SMARCAD1: variants seen among roughly 807,000 people sequenced by gnomAD.
The protein encoded by SMARCAD1 is SWI/SNF-related matrix-associated actin-dependent regulator of chromatin subfamily A containing DEAD/H box 1.
A neutral mutation model predicts 127.1 loss-of-function variants in SMARCAD1; 25 were observed. The ratio of observed to expected loss-of-function variants is 0.20; its 90% CI spans 0.14 to 0.27. The LOEUF (loss-of-function observed/expected upper bound fraction) is 0.27, where lower values mean the gene tolerates loss of function less well. Among genes scored for constraint, SMARCAD1 ranks in the 10% least tolerant of loss-of-function variants. The pLI is 1.00. For missense variants in SMARCAD1, 807 were observed against 1,206.0 expected (o/e 0.67, Z 4.90); for synonymous variants, 400 against 396.9 (o/e 1.01, Z -0.09).
At chr4:94,275,110 A>AT in intron 14 of SMARCAD1, 145 bp downstream of exon 14, 2 of 694,316 alleles carry the variant, frequency 2.9e-6, no homozygotes, top group Admixed American at 2.3e-5. Context: ...GGATTCAGGC[A>AT]TTTTTTAGTT....
At position 94,290,840 on chromosome 4, in the gene SMARCAD1, A is replaced by ATCCT. The variant is rs1755591173; in HGVS notation, c.*1306_*1307insTCCT. 1 of 439,142 alleles carries ATCCT rather than the reference A, an allele frequency of 2.3e-6. No homozygotes were observed. Among genetic ancestry groups the ATCCT allele is most frequent in the Non-Finnish European group, 4.5e-6 (1 of 221,554 alleles). The allele number at this position is 439,142 out of a possible 1,614,324, so 27.2% of individuals were successfully genotyped here. A position where few individuals can be genotyped will look rare whatever the true frequency, so the allele number is the denominator to read the frequency against. Reference sequence around the variant, plus strand: ...AATCAAAGATTTGTTAATTTTTGGAAATCATGCTTTTCAAAGCATCCTAAC... The same window carrying ATCCT: ...AATCAAAGATTTGTTAATTTTTGGAATCCTATCATGCTTTTCAAAGCATCCTAAC... On this transcript the variant is annotated 3_prime_UTR_variant, in exon 24 of 24. Transcript: ENST00000354268.
chr4:94,233,961 C>G lies in SMARCAD1; in HGVS notation c.376C>G (p.Pro126Ala). ...CTCTAAAAATATTTTTAGTTCTGAG[C>G]CATCTGAAGATGAAGAGTCCCAAGG... Reference protein sequence around the residue: ...NKDTVIIVSEPSEDEESQGLP... With the variant: ...NKDTVIIVSEASEDEESQGLP... The change falls in exon 4 of 24, where the codon CCA becomes GCA. Residue 126 changes from proline to alanine, a missense_variant. Coordinates refer to ENST00000354268, the MANE Select transcript of SMARCAD1 (RefSeq NM_020159.5). 1 of 1,613,490 alleles carries G rather than the reference C, an allele frequency of 6.2e-7. No individual in the cohort carries two copies.
chr4:94,214,185 AAG>A (rs1233215878), intron 2 of SMARCAD1, among the ~76,000 whole-genome samples: 9 of 152,136 alleles, frequency 5.9e-5, no homozygotes, highest in Non-Finnish European at 1.0e-4. Flanking sequence ...CAGGAAAGGA[AAG>A]AGAGAAATAG....
chr4:94,243,274 G>T (rs1028736623), intron 6 of SMARCAD1, among the ~76,000 whole-genome samples: 1 of 152,190 alleles, frequency 6.6e-6, no homozygotes, highest in Admixed American at 6.5e-5. Flanking sequence ...AATGCCTCAG[G>T]TAATAGTTGA....
intron 3 of SMARCAD1, among the ~76,000 whole-genome samples, chr4:94,226,858 C>A (rs1019481525): frequency 2.7e-5 from 4 of 150,856 alleles, no homozygotes; most frequent in African/African-American, 9.8e-5. Context: ...GTCAGGGAAT[C>A]GTTTCTTTTT....
chr4:94,268,363 TTTTG>T (rs1260919840), intron 10 of SMARCAD1, among the ~76,000 whole-genome samples: 1 of 152,100 alleles, frequency 6.6e-6, no homozygotes, highest in African/African-American at 2.4e-5. Context: ...TTTCAGTAAT[TTTTG>T]TTTATTAAGA....
chr4:94,250,250 C>A (rs1749086542), intron 7 of SMARCAD1, among the ~76,000 whole-genome samples: 1 of 151,902 alleles, frequency 6.6e-6, no homozygotes, highest in South Asian at 2.1e-4. Context: ...TGTTTAATCC[C>A]ATGATCATAT....
intron 6 of SMARCAD1, among the ~76,000 whole-genome samples, chr4:94,248,248 G>A (rs887934630): frequency 4.6e-5 from 7 of 152,030 alleles, no homozygotes; most frequent in Non-Finnish European, 8.8e-5. Context: ...TTCATGTTGT[G>A]GTGTGTATCA....
chr4:94,288,142 T>G (rs1755216856), intron 23 of SMARCAD1, among the ~76,000 whole-genome samples: 2 of 152,218 alleles, frequency 1.3e-5, no homozygotes, highest in Non-Finnish European at 2.9e-5. Context: ...CAATTTATTT[T>G]CAATATCACA....
At chr4:94,270,133 T>C (rs1752336504) in intron 10 of SMARCAD1, among the ~76,000 whole-genome samples, 1 of 151,516 alleles carries the variant, frequency 6.6e-6, no homozygotes, top group Non-Finnish European at 1.5e-5. Flanking sequence ...TGAACATCAG[T>C]GAGTAGAAAG....
At chr4:94,223,573 CT>C (rs1025018303) in intron 2 of SMARCAD1, among the ~76,000 whole-genome samples, 153 of 142,726 alleles carry the variant, frequency 1.1e-3, no homozygotes, top group African/African-American at 1.6e-3. Context: ...TTTCCTTTTT[CT>C]TTTTTTTTTT....
intron 21 of SMARCAD1, among the ~76,000 whole-genome samples, chr4:94,282,701 G>GT (rs879794435): frequency 0.012 from 1,733 of 143,000 alleles, 24 homozygotes; most frequent in African/African-American, 0.037. Context: ...TAAAAGTAAT[G>GT]TTTTTTTTTT....
At chr4:94,262,889 T>TAAAAAAAAAAAAAAAA (rs368026206) in intron 9 of SMARCAD1, among the ~76,000 whole-genome samples, 1 of 87,428 alleles carries the variant, frequency 1.1e-5, no homozygotes. Context: ...TAATTTCTGT[T>TAAAAAAAAAAAAAAAA]AAAAAAAAAA....
At chr4:94,280,468 T>C (rs924113908) in intron 19 of SMARCAD1, 124 bp from the exon 20 acceptor site, 1 of 832,636 alleles carries the variant, frequency 1.2e-6, no homozygotes, top group Non-Finnish European at 1.9e-6. Context: ...TTGATAAGTC[T>C]GTTACACTAA....
At chr4:94,289,377 G>T in intron 23 of SMARCAD1, 96 bp from the exon 24 acceptor site, 1 of 1,109,966 alleles carries the variant, frequency 9.0e-7, no homozygotes. Context: ...CTTGAAAGAT[G>T]AGTAAGAATT....
At chr4:94,249,507 T>A in intron 6 of SMARCAD1, 147 bp from the exon 7 acceptor site, 1 of 620,510 alleles carries the variant, frequency 1.6e-6, no homozygotes, top group South Asian at 2.0e-5. Context: ...AATATGTCAA[T>A]GTTCACAGAA....
intron 5 of SMARCAD1, among the ~76,000 whole-genome samples, chr4:94,240,321 C>T (rs774544673): frequency 3.2e-4 from 49 of 152,316 alleles, no homozygotes; most frequent in Non-Finnish European, 5.1e-4. Context: ...ATGCAGATTT[C>T]CTGTTACTGC....
Position 94,240,922 on chromosome 4 carries a change from A to G in SMARCAD1, c.621A>G (p.Lys207=). The G allele has an allele frequency of 6.2e-7, 1 of 1,613,514 alleles. No homozygotes were observed. Among genetic ancestry groups the G allele is most frequent in the Middle Eastern group, 1.7e-4 (1 of 6,022 alleles). The change falls in exon 6 of 24, where the codon AAA becomes AAG. Residue 207 remains lysine (K), a synonymous_variant. Coordinates refer to ENST00000354268, the MANE Select transcript of SMARCAD1 (RefSeq NM_020159.5). The part of the protein sequence containing the change: ...MFGDAGGGPR[K]RKLSSSSEPY... ...CTTTAAAAGGTGGTGGGCCCAGGAA[A>G]AGAAAATTATCTTCTTCTTCAGAGC...
At chr4:94,239,889 A>G (rs552893941) in intron 5 of SMARCAD1, among the ~76,000 whole-genome samples, 1 of 152,174 alleles carries the variant, frequency 6.6e-6, no homozygotes, top group South Asian at 2.1e-4. Context: ...TGTTCTTTTT[A>G]GGAAAGAATT....
Sources: gnomAD v4.1 joint callset for allele counts (sites outside exome capture counted in the v4.1 genomes callset) on GRCh38, gnomAD v4.1.1 for gene constraint, MANE v1.5 for transcripts, NCBI Gene and HGNC (gene_info 2026-07-23, HGNC 2026-07-21) for gene names.